Variants in CUEDC1 observed in about 807,000 individuals in gnomAD.
The protein encoded by CUEDC1 is CUE domain-containing protein 1.
CUEDC1 carries 30 observed loss-of-function variants against 43.7 expected under a neutral mutation model. That is an observed-to-expected ratio of 0.69 (90% CI 0.51 to 0.93). CUEDC1 has a LOEUF of 0.93. Ranked by LOEUF, CUEDC1 falls within the 40% of genes least tolerant of loss-of-function variation. The probability of loss-of-function intolerance (pLI) is 0.00; values close to 1 mark genes in which losing one functional copy is unlikely to be tolerated. For synonymous variants in CUEDC1, 223 were observed against 223.6 expected (o/e 1.00, Z 0.02); for missense variants, 486 against 549.0 (o/e 0.89, Z 1.15).
Position 57,946,801 on chromosome 17 carries a change from C to T in CUEDC1, c.-316+8424G>A, listed in dbSNP as rs1043780808. Among the ~76,000 whole-genome samples the T allele has an allele frequency of 2.6e-5, 4 of 152,260 alleles. No individual in the cohort carries two copies. In the South Asian group the frequency reaches 6.2e-4, roughly 24 times the overall value. On this transcript the variant is annotated intron_variant, in intron 1 of 10. Coordinates refer to ENST00000577830, the MANE Select transcript of CUEDC1 (RefSeq NM_001271875.2). Reference sequence around the variant, plus strand: ...CCTTTGCACATCTGATATCTTCATACGCTCCCTCCTGCTCATCATCACCAG... The same window carrying T: ...CCTTTGCACATCTGATATCTTCATATGCTCCCTCCTGCTCATCATCACCAG...
Position 57,885,505 on chromosome 17 carries a change from TGCCCC to T in CUEDC1, c.55_59del (p.Gly19ThrfsTer80). 6.8e-7 allele frequency: 1 copy of T among 1,477,876 alleles called. No homozygotes were observed. Among genetic ancestry groups the T allele is most frequent in the East Asian group, 2.6e-5 (1 of 38,304 alleles). The allele number at this position is 1,477,876 out of a possible 1,614,324, so 91.5% of individuals were successfully genotyped here. Reference sequence around the variant, plus strand: ...CGGCCGTGCCTCCCCCGCCCCCGCGTGCCCCGGCGGTGCCACCCCCGCCGCTGCCG... The same window carrying T: ...CGGCCGTGCCTCCCCCGCCCCCGCGTGGCGGTGCCACCCCCGCCGCTGCCG... On this transcript the variant is annotated frameshift_variant, in exon 2 of 11. Transcript: ENST00000577830. LOFTEE classifies it high-confidence loss of function.
chr17:57,867,275 C>T (rs1313640543), intron 9 of CUEDC1, 82 bp downstream of exon 9: 6 of 1,316,180 alleles, frequency 4.6e-6, no homozygotes, highest in East Asian at 5.0e-5. Flanking sequence ...AGGGCGGGTG[C>T]TCCCATGAAA....
chr17:57,865,732 G>A (rs1193517305), intron 10 of CUEDC1, among the ~76,000 whole-genome samples: 1 of 152,128 alleles, frequency 6.6e-6, no homozygotes. Flanking sequence ...ATCCTGGTGT[G>A]GCAGATCCCA....
chr17:57,874,675 C>T (rs574494269), intron 3 of CUEDC1, among the ~76,000 whole-genome samples: 5 of 152,200 alleles, frequency 3.3e-5, no homozygotes, highest in Non-Finnish European at 4.4e-5. Context: ...ATCAGGAAAA[C>T]GGCACACTGA....
At chr17:57,925,263 G>A (rs116523102) in intron 1 of CUEDC1, among the ~76,000 whole-genome samples, 2,576 of 152,238 alleles carry the variant, frequency 0.017, 87 homozygotes, top group African/African-American at 0.059. Context: ...GGGGCAAGGG[G>A]AACACATTCT....
chr17:57,942,588 C>T (rs1034840995), intron 1 of CUEDC1, among the ~76,000 whole-genome samples: 2 of 151,900 alleles, frequency 1.3e-5, no homozygotes, highest in Non-Finnish European at 2.9e-5. Context: ...GGGCTTTCAC[C>T]ATGTTGGCCA....
intron 1 of CUEDC1, among the ~76,000 whole-genome samples, chr17:57,927,969 G>A (rs1425306767): frequency 6.6e-6 from 1 of 152,202 alleles, no homozygotes; most frequent in African/African-American, 2.4e-5. Context: ...AGCAGAGGAA[G>A]GATTCAAACC....
chr17:57,929,909 C>G (rs1007678419), intron 1 of CUEDC1, among the ~76,000 whole-genome samples: 2 of 152,168 alleles, frequency 1.3e-5, no homozygotes, highest in African/African-American at 4.8e-5. Flanking sequence ...TCAAGCAATT[C>G]TCCTGCCTCA....
intron 1 of CUEDC1, among the ~76,000 whole-genome samples, chr17:57,911,443 T>C (rs570308916): frequency 6.6e-6 from 1 of 152,312 alleles, no homozygotes; most frequent in South Asian, 2.1e-4. Flanking sequence ...AGTGTAGCAC[T>C]TCATCACCTG....
Position 57,861,293 on chromosome 17 carries a change from T to C in CUEDC1, c.*1996A>G, listed in dbSNP as rs1024254493. 5 of 152,276 alleles carry C rather than the reference T, an allele frequency of 3.3e-5. No homozygotes were observed. The highest frequency in any genetic ancestry group is 1.2e-4 in the African/African-American group (5 of 41,448). The allele number at this position is 152,276 out of a possible 1,614,324, so 9.4% of individuals were successfully genotyped here. A position where few individuals can be genotyped will look rare whatever the true frequency, so the allele number is the denominator to read the frequency against. On this transcript the variant is annotated 3_prime_UTR_variant, in exon 11 of 11. Transcript: ENST00000577830. ...TTAGGGAGGTGGCCGTCTGGAGCTT[T>C]CTCAACAGACTGGCTTTCCCCATGG...
At position 57,885,535 on chromosome 17, in the gene CUEDC1, G is replaced by A. The variant is rs2074278636; in HGVS notation, c.30C>T (p.Ser10=). 3 of 1,383,272 alleles carry A rather than the reference G, an allele frequency of 2.2e-6. 1 individual carries two copies. Among genetic ancestry groups the A allele is most frequent in the Non-Finnish European group, 9.3e-7 (1 of 1,075,944 alleles). 85.7% of individuals were successfully genotyped at this position (1,383,272 alleles called of 1,614,324 possible). A position where few individuals can be genotyped will look rare whatever the true frequency, so the allele number is the denominator to read the frequency against. ...CGGCGGTGCCACCCCCGCCGCTGCC[G>A]CTGCTGCTCCGGCGGAACAGGCTGG... MTSLFRRSS[S]GSGGGGTAGA... Residue 10 remains serine, a synonymous_variant, in exon 2 of 11, where the codon AGC becomes AGT. Transcript: ENST00000577830.
At chr17:57,882,187 T>G (rs1306456143) in intron 2 of CUEDC1, among the ~76,000 whole-genome samples, 1 of 143,334 alleles carries the variant, frequency 7.0e-6, no homozygotes, top group African/African-American at 3.0e-5. Context: ...CCAGAAAGGG[T>G]TTTTTTTTCC....
At position 57,885,620 on chromosome 17, in the gene CUEDC1, G is replaced by C; in HGVS notation, c.-56C>G. The stretch of plus-strand genomic sequence containing the variant: ...AGCCGGCCGCAAAGCCCCTTCCCCA[G>C]GGTCTTTCCGCCGTCAGCCGCTTAC... On this transcript the variant is annotated 5_prime_UTR_variant, in exon 2 of 11. Transcript: ENST00000577830. 1 of 1,338,934 alleles carries C rather than the reference G, an allele frequency of 7.5e-7. No homozygotes were observed. Among genetic ancestry groups the C allele is most frequent in the Non-Finnish European group, 9.5e-7 (1 of 1,050,930 alleles). 82.9% of individuals were successfully genotyped at this position (1,338,934 alleles called of 1,614,324 possible). A position where few individuals can be genotyped will look rare whatever the true frequency, so the allele number is the denominator to read the frequency against.
intron 1 of CUEDC1, among the ~76,000 whole-genome samples, chr17:57,914,428 G>A (rs769365920): frequency 2.0e-5 from 3 of 152,112 alleles, no homozygotes; most frequent in African/African-American, 2.4e-5. Context: ...AGGTCACAGT[G>A]ACTCCATAAC....
rs1441554477 is a variant in CUEDC1 at position 57,885,291 on chromosome 17, C to T, written c.274G>A (p.Gly92Ser). The change falls in exon 2 of 11, where the codon GGT (glycine) becomes AGT (serine). Residue 92 changes from glycine to serine, a missense_variant. By Grantham distance (56) the Gly-to-Ser change is moderately conservative. Transcript: ENST00000577830. ...TCATAGACGCCGCCGCTGCTGCCAC[C>T]GCCCTCCAGGTTCATCTGCAGCAGC... ...DQLLQMNLEG[G>S]GSSGGVYEDS... 5.6e-6 allele frequency: 9 copies of T among 1,608,716 alleles called. No homozygotes were observed. Among genetic ancestry groups the T allele is most frequent in the South Asian group, 2.2e-5 (2 of 89,936 alleles).
chr17:57,904,969 A>C (rs953264657), intron 1 of CUEDC1, among the ~76,000 whole-genome samples: 1 of 152,194 alleles, frequency 6.6e-6, no homozygotes, highest in Admixed American at 6.5e-5. Context: ...AACAGAGTCA[A>C]GCGGCCAAGA....
chr17:57,871,237 G>A (rs780234477), intron 6 of CUEDC1, 49 bp downstream of exon 6: 1 of 1,418,936 alleles, frequency 7.0e-7, no homozygotes, highest in Non-Finnish European at 1.0e-6. Context: ...AGTTGGGTGT[G>A]AGCTCCCCAC....
intron 1 of CUEDC1, among the ~76,000 whole-genome samples, chr17:57,951,602 G>A (rs2075007590): frequency 6.6e-6 from 1 of 152,106 alleles, no homozygotes; most frequent in Admixed American, 6.5e-5. Flanking sequence ...GGGGTTACAA[G>A]TACGCACCAC....
chr17:57,886,686 G>A (rs1474799203), intron 1 of CUEDC1, among the ~76,000 whole-genome samples: 5 of 152,264 alleles, frequency 3.3e-5, no homozygotes, highest in East Asian at 1.9e-4. Flanking sequence ...ATGTCAGGCC[G>A]ACATGTTTTA....
Sources: allele counts gnomAD v4.1 joint callset (sites outside exome capture counted in the v4.1 genomes callset), GRCh38; gene constraint gnomAD v4.1.1; transcripts MANE v1.5; gene names NCBI Gene and HGNC (gene_info 2026-07-23, HGNC 2026-07-21).